The following BRWD3 variants were observed in gnomAD, a reference collection of about 807,000 sequenced individuals.
BRWD3 encodes the protein bromodomain and WD repeat-containing protein 3.
Under a neutral mutation model 149.7 loss-of-function variants are expected in BRWD3, and 10 were observed. The observed-to-expected ratio is 0.07, with a 90% CI of 0.04 to 0.11. The LOEUF is 0.11. BRWD3 is among the 10% of genes least tolerant of loss of function. BRWD3 has a pLI of 1.00. For missense variants in BRWD3, 940 were observed against 1,373.2 expected (o/e 0.68, Z 4.99); for synonymous variants, 504 against 456.7 (o/e 1.10, Z -1.32).
In BRWD3 at chrX:80,674,489, C is replaced by T. The variant is rs932591527; in HGVS notation, c.*2120G>A. The T allele has an allele frequency of 9.0e-6, 1 of 111,239 alleles. No individual in the cohort carries two copies. Among genetic ancestry groups the T allele is most frequent in the Non-Finnish European group, 1.9e-5 (1 of 52,919 alleles). The allele number at this position is 111,239 out of a possible 1,213,427, so 9.2% of individuals were successfully genotyped here. ...TCCAGGAATTTAAGTAACTATGTTA[C>T]TTAGATCAGGATAAGCCAAAGTATT... On this transcript the variant is annotated 3_prime_UTR_variant, in exon 41 of 41. Coordinates refer to ENST00000373275, the MANE Select transcript of BRWD3 (RefSeq NM_153252.5).
At chrX:80,735,958 C>T (rs757166724) in intron 9 of BRWD3, 30 bp downstream of exon 9, 6 of 1,035,651 alleles carry the variant, frequency 5.8e-6, no homozygotes, top group Non-Finnish European at 2.7e-6. Flanking sequence ...AATTAACATG[C>T]TTAATTTTTC....
chrX:80,792,805 T>C (rs1280348429), intron 5 of BRWD3, among the ~76,000 whole-genome samples: 3 of 110,856 alleles, frequency 2.7e-5, no homozygotes, highest in Admixed American at 9.7e-5. Context: ...CATATTGAGG[T>C]TCCAGGTAAA....
In BRWD3 at chrX:80,689,751, C is replaced by G. The variant is rs781385801; in HGVS notation, c.3807+17G>C. Reference sequence around the variant, plus strand: ...AGAAAAGTAACTCATTCCTACTAATCATGCTGTGATTCTTACCTCCTCTGC... The same window carrying G: ...AGAAAAGTAACTCATTCCTACTAATGATGCTGTGATTCTTACCTCCTCTGC... On this transcript the variant is annotated intron_variant, in intron 33 of 40. Coordinates refer to ENST00000373275, the MANE Select transcript of BRWD3 (RefSeq NM_153252.5). 8.6e-7 allele frequency: 1 copy of G among 1,164,500 alleles called. No individual in the cohort carries two copies.
intron 33 of BRWD3, among the ~76,000 whole-genome samples, chrX:80,688,921 TTTTC>T (rs758400893): frequency 5.5e-4 from 61 of 111,043 alleles, no homozygotes; most frequent in Non-Finnish European, 6.1e-4. Context: ...GTATATCATG[TTTTC>T]TTTATTATGT....
intron 4 of BRWD3, among the ~76,000 whole-genome samples, chrX:80,807,930 A>T (rs926327751): frequency 2.7e-5 from 3 of 111,245 alleles, no homozygotes; most frequent in African/African-American, 6.5e-5. Flanking sequence ...GCTTTTACTC[A>T]GTAGACCATT....
At chrX:80,782,875 T>C (rs909528903) in intron 6 of BRWD3, among the ~76,000 whole-genome samples, 3 of 109,778 alleles carry the variant, frequency 2.7e-5, no homozygotes, top group African/African-American at 1.0e-4. Context: ...CCAGCCTCGA[T>C]GACAGAATAA....
At chrX:80,699,132 T>C (rs2072744420) in intron 25 of BRWD3, among the ~76,000 whole-genome samples, 1 of 110,168 alleles carries the variant, frequency 9.1e-6, no homozygotes, top group Non-Finnish European at 1.9e-5. Context: ...GAAGAATCAC[T>C]TGAACCCAGG....
intron 17 of BRWD3, among the ~76,000 whole-genome samples, chrX:80,721,181 T>C (rs1230811597): frequency 5.3e-5 from 6 of 112,447 alleles, no homozygotes; most frequent in Non-Finnish European, 7.5e-5. Context: ...TAAATCTTTT[T>C]CTTTCTTAAG....
intron 6 of BRWD3, among the ~76,000 whole-genome samples, chrX:80,766,876 A>G (rs191921508): frequency 2.1e-4 from 24 of 112,088 alleles, no homozygotes; most frequent in Non-Finnish European, 2.8e-4. Context: ...GCCTTGAGAG[A>G]CAGCACCTGG....
rs757200304 is a variant in BRWD3, at chrX:80,717,710, A to T, written c.2094T>A (p.Leu698=). 8.3e-7 allele frequency: 1 copy of T among 1,211,499 alleles called. No homozygotes were observed. The highest frequency in any genetic ancestry group is 1.8e-5 in the South Asian group (1 of 56,993). The part of the protein sequence containing the change: ...MDISSSPNIR[L]RRHSSQIEGV... Reference sequence around the variant, plus strand: ...CTTCAATTTGACTACTATGTCTTCGAAGCCTGATGTTTGGGGAAGAAGATA... The same window carrying T: ...CTTCAATTTGACTACTATGTCTTCGTAGCCTGATGTTTGGGGAAGAAGATA... Residue 698 remains leucine, a synonymous_variant, in exon 19 of 41, where the codon CTT becomes CTA. Coordinates refer to ENST00000373275, the MANE Select transcript of BRWD3 (RefSeq NM_153252.5).
intron 25 of BRWD3, among the ~76,000 whole-genome samples, chrX:80,697,486 C>T (rs1352581777): frequency 9.0e-6 from 1 of 111,043 alleles, no homozygotes; most frequent in Non-Finnish European, 1.9e-5. Flanking sequence ...ATCTCCCTTC[C>T]TTTGGAGTCC....
rs367851913 is a variant in BRWD3, at chrX:80,704,744, G to A, written c.2655C>T (p.Ser885=). The A allele has an allele frequency of 3.6e-5, 44 of 1,209,567 alleles. No individual in the cohort carries two copies. Among genetic ancestry groups the A allele is most frequent in the Non-Finnish European group, 4.1e-5 (37 of 894,754 alleles). The change falls in exon 23 of 41, where the codon AGC becomes AGT. Residue 885 remains serine (S), a synonymous_variant. Coordinates refer to ENST00000373275, the MANE Select transcript of BRWD3 (RefSeq NM_153252.5). ...GGGACTTCAAATTTTCCTCATCAGA[G>A]CTGCTGCATATTTTACGTGTTGTCT... The part of the protein sequence containing the change: ...TRQTTRKICS[S]SDEENLKSLE...
chrX:80,784,541 C>G (rs923363920), intron 6 of BRWD3, among the ~76,000 whole-genome samples: 2 of 111,053 alleles, frequency 1.8e-5, no homozygotes, highest in African/African-American at 6.6e-5. Context: ...TTTCCCTTCC[C>G]TCACCCCCAC....
intron 33 of BRWD3, among the ~76,000 whole-genome samples, chrX:80,689,335 G>C (rs1284747595): frequency 9.0e-6 from 1 of 111,395 alleles, no homozygotes; most frequent in Non-Finnish European, 1.9e-5. Context: ...TTTCAGAAAG[G>C]AAATCGAGTA....
At chrX:80,718,399 T>C (rs1473800177) in intron 18 of BRWD3, among the ~76,000 whole-genome samples, 6 of 111,890 alleles carry the variant, frequency 5.4e-5, no homozygotes, top group Non-Finnish European at 1.9e-5. Context: ...ATATTACAAA[T>C]AGAAGTCAGT....
rs2072925967 is a variant in BRWD3 at position 80,709,544 on chromosome X, G to A, written c.2359C>T (p.Arg787Cys). ...DYEPSCGRSL[R>C]RTQRKRQHTY... ...TGCTGACGTTTGCGCTGTGTCCTGC[G>A]TAAAGAACGCCCACAGCTAGGCTCA... The change falls in exon 21 of 41, where the codon CGC becomes TGC. Residue 787 changes from arginine (R) to cysteine (C), a missense_variant. Coordinates refer to ENST00000373275, the MANE Select transcript of BRWD3 (RefSeq NM_153252.5). 5 of 1,208,190 alleles carry A rather than the reference G, an allele frequency of 4.1e-6. No individual in the cohort carries two copies. The highest frequency in any genetic ancestry group is 3.5e-5 in the African/African-American group (2 of 56,862).
At position 80,719,557 on chromosome X, in the gene BRWD3, T is replaced by C; in HGVS notation, c.1976A>G (p.Asp659Gly). 1 of 1,207,921 alleles carries C rather than the reference T, an allele frequency of 8.3e-7. No individual in the cohort carries two copies. Among genetic ancestry groups the C allele is most frequent in the South Asian group, 1.8e-5 (1 of 56,856 alleles). ...ATCTCCTTCATTAATTAGTCTCAGG[T>C]CTTGTTCTCTCTGCAGCTCCCTGAT... ...GIIRELQREQ[D>G]LRLINEGDVP... The change falls in exon 18 of 41, where the codon GAC becomes GGC. Residue 659 changes from aspartate (D) to glycine (G), a missense_variant. Around this residue, in one of 6 missense-constraint regions of BRWD3, gnomAD observed 209 missense variants for 396.8 expected, o/e 0.53. Transcript: ENST00000373275.
In BRWD3 at chrX:80,717,647, C is replaced by G; in HGVS notation, c.2157G>C (p.Gln719His). 1 of 1,211,573 alleles carries G rather than the reference C, an allele frequency of 8.3e-7. No homozygotes were observed. Among genetic ancestry groups the G allele is most frequent in the Non-Finnish European group, 1.1e-6 (1 of 895,174 alleles). Residue 719 changes from glutamine (Q) to histidine (H), a missense_variant, in exon 19 of 41, where the codon CAG becomes CAC. Gln to His is a conservative substitution (Grantham distance 24). Transcript: ENST00000373275. ...RQMHNNAPRS[Q>H]MATERDLMAW... ...CCATGAGATCTCTTTCAGTGGCCAT[C>G]TGGCTCCGAGGAGCATTGTTATGCA...
chrX:80,686,301 T>A (rs925535898), intron 35 of BRWD3, among the ~76,000 whole-genome samples: 1 of 107,404 alleles, frequency 9.3e-6, no homozygotes, highest in Non-Finnish European at 1.9e-5. Context: ...CATTAGGAGA[T>A]ATACCTAATG....
Sources: gnomAD v4.1 joint callset for allele counts (sites outside exome capture counted in the v4.1 genomes callset) on GRCh38, gnomAD v4.1.1 for gene constraint, gnomAD v4.1.1 regional missense constraint, MANE v1.5 for transcripts, NCBI Gene and HGNC (gene_info 2026-07-23, HGNC 2026-07-21) for gene names.